GPC5: variants seen among roughly 807,000 people sequenced by gnomAD.
GPC5 encodes the protein glypican-5.
GPC5 carries 47 observed loss-of-function variants against 53.9 expected under a neutral mutation model. That is an observed-to-expected ratio of 0.87 (90% CI 0.69 to 1.11). The LOEUF (loss-of-function observed/expected upper bound fraction) is 1.11, where lower values mean the gene tolerates loss of function less well. Ranked by LOEUF, GPC5 falls within the 50% of genes most tolerant of loss-of-function variation. The probability of loss-of-function intolerance (pLI) is 0.00; values close to 1 mark genes in which losing one functional copy is unlikely to be tolerated. For synonymous variants in GPC5, 286 were observed against 263.3 expected, an observed-to-expected ratio of 1.09 and a Z score of -0.84; for missense variants, 748 against 713.1, an observed-to-expected ratio of 1.05 and a Z score of -0.56.
At position 91,970,597 on chromosome 13, in the gene GPC5, G is replaced by GA. The variant is rs532710200; in HGVS notation, c.1401+62548dup. On this transcript the variant is annotated intron_variant, in intron 6 of 7. Coordinates refer to ENST00000377067, the MANE Select transcript of GPC5 (RefSeq NM_004466.6). The stretch of plus-strand genomic sequence containing the variant: ...TATTTGTCAGTTGTACCTCAATGAA[G>GA]AAAAAAAATGAGGAGTAATAAAAGC... Among the ~76,000 whole-genome samples the GA allele has an allele frequency of 6.6e-5, 10 of 151,350 alleles. No individual in the cohort carries two copies. In the East Asian group the frequency reaches 1.9e-3, roughly 29 times the overall value.
chr13:92,721,803 G>A (rs947143909), intron 7 of GPC5, among the ~76,000 whole-genome samples: 1 of 151,952 alleles, frequency 6.6e-6, no homozygotes, highest in South Asian at 2.1e-4. Flanking sequence ...AGATAACAGA[G>A]GGGGGTTCAT....
At chr13:92,250,402 A>T (rs966299591) in intron 7 of GPC5, among the ~76,000 whole-genome samples, 4 of 152,158 alleles carry the variant, frequency 2.6e-5, no homozygotes, top group Admixed American at 6.6e-5. Context: ...CTCACAGCTG[A>T]CAGCTGTCAC....
chr13:91,406,514 C>A (rs567891835), intron 1 of GPC5, among the ~76,000 whole-genome samples: 2 of 152,238 alleles, frequency 1.3e-5, no homozygotes, highest in African/African-American at 4.8e-5. Flanking sequence ...ATATTTTTAG[C>A]CATTTAAAGC....
intron 6 of GPC5, among the ~76,000 whole-genome samples, chr13:92,072,146 A>G (rs1332439399): frequency 6.8e-6 from 1 of 147,358 alleles, no homozygotes; most frequent in Admixed American, 6.8e-5. Context: ...TTTATTAATG[A>G]ATGAATAAAA....
intron 2 of GPC5, among the ~76,000 whole-genome samples, chr13:91,510,813 A>T (rs1885195013): frequency 6.6e-6 from 1 of 152,086 alleles, no homozygotes; most frequent in South Asian, 2.1e-4. Context: ...ACTTTTGAGG[A>T]AGTTAACTTT....
At chr13:92,784,789 T>C (rs1272901125) in intron 7 of GPC5, among the ~76,000 whole-genome samples, 2 of 152,214 alleles carry the variant, frequency 1.3e-5, no homozygotes, top group Non-Finnish European at 2.9e-5. Flanking sequence ...TATCAGGTTA[T>C]CTTCCGATTA....
intron 5 of GPC5, among the ~76,000 whole-genome samples, chr13:91,870,808 A>G (rs2039135861): frequency 6.6e-6 from 1 of 152,238 alleles, no homozygotes; most frequent in African/African-American, 2.4e-5. Flanking sequence ...TGTTAGAAGA[A>G]TACGGTCTTG....
At chr13:92,246,689 T>C (rs1452527116) in intron 7 of GPC5, among the ~76,000 whole-genome samples, 3 of 152,110 alleles carry the variant, frequency 2.0e-5, no homozygotes, top group African/African-American at 7.2e-5. Flanking sequence ...CAGAGAAACC[T>C]CAAACAGTAT....
At chr13:92,426,763 G>A (rs202226728) in intron 7 of GPC5, among the ~76,000 whole-genome samples, 1 of 151,762 alleles carries the variant, frequency 6.6e-6, no homozygotes, top group East Asian at 2.0e-4. Context: ...AAGAAACTAT[G>A]GATGGAGGAC....
intron 7 of GPC5, among the ~76,000 whole-genome samples, chr13:92,794,281 A>G (rs1876574623): frequency 6.6e-6 from 1 of 152,142 alleles, no homozygotes; most frequent in Non-Finnish European, 1.5e-5. Context: ...AATGACAAAA[A>G]CCATATGATT....
intron 6 of GPC5, among the ~76,000 whole-genome samples, chr13:92,041,694 T>A (rs1215521402): frequency 6.6e-6 from 1 of 152,216 alleles, no homozygotes; most frequent in Non-Finnish European, 1.5e-5. Context: ...ACGCCTTTAT[T>A]CATCCACTGC....
At chr13:91,415,129 G>A (rs1038622570) in intron 1 of GPC5, among the ~76,000 whole-genome samples, 5 of 152,156 alleles carry the variant, frequency 3.3e-5, no homozygotes, top group Admixed American at 6.5e-5. Context: ...GACTGGGCAT[G>A]CTAACAATTG....
At chr13:91,648,035 C>A (rs1464410983) in intron 2 of GPC5, among the ~76,000 whole-genome samples, 1 of 152,208 alleles carries the variant, frequency 6.6e-6, no homozygotes, top group African/African-American at 2.4e-5. Context: ...GGAGCCTCCT[C>A]TGTGTTGCTT....
At chr13:91,587,152 G>A (rs754997432) in intron 2 of GPC5, among the ~76,000 whole-genome samples, 2 of 151,748 alleles carry the variant, frequency 1.3e-5, no homozygotes, top group Non-Finnish European at 2.9e-5. Flanking sequence ...TTTTCTGGGT[G>A]GTATACTTAT....
chr13:91,688,762 C>G (rs138446009), intron 2 of GPC5, among the ~76,000 whole-genome samples: 2 of 152,152 alleles, frequency 1.3e-5, no homozygotes, highest in South Asian at 4.2e-4. Flanking sequence ...ATAGGTTCAT[C>G]GCTCCTAGGC....
intron 6 of GPC5, among the ~76,000 whole-genome samples, chr13:91,944,318 G>A (rs995268039): frequency 6.6e-6 from 1 of 151,988 alleles, no homozygotes; most frequent in Non-Finnish European, 1.5e-5. Context: ...GGATGGTCTC[G>A]ATCTCCTGAC....
At chr13:91,923,077 C>T (rs564817304) in intron 6 of GPC5, among the ~76,000 whole-genome samples, 3 of 152,246 alleles carry the variant, frequency 2.0e-5, no homozygotes, top group South Asian at 2.1e-4. Context: ...GGGAATCTCT[C>T]GCAACTTAAC....
chr13:92,373,352 C>T (rs1459584882), intron 7 of GPC5, among the ~76,000 whole-genome samples: 2 of 152,160 alleles, frequency 1.3e-5, no homozygotes, highest in Non-Finnish European at 2.9e-5. Flanking sequence ...TCTATGTGAT[C>T]GATACCAGTA....
intron 7 of GPC5, among the ~76,000 whole-genome samples, chr13:92,496,125 A>C (rs1464383170): frequency 1.3e-5 from 2 of 152,168 alleles, no homozygotes; most frequent in African/African-American, 4.8e-5. Context: ...TCCACATTGC[A>C]GGTGGTAGTG....
Sources: allele counts gnomAD v4.1 joint callset (sites outside exome capture counted in the v4.1 genomes callset), GRCh38; gene constraint gnomAD v4.1.1; transcripts MANE v1.5; gene names NCBI Gene and HGNC (gene_info 2026-07-23, HGNC 2026-07-21).